Variants in KIF13A observed in about 807,000 individuals in gnomAD.
The protein encoded by KIF13A is kinesin-like protein KIF13A.
Under a neutral mutation model 212.2 loss-of-function variants are expected in KIF13A, and 79 were observed. The ratio of observed to expected loss-of-function variants is 0.37; its 90% CI spans 0.31 to 0.45. KIF13A has a LOEUF of 0.45. KIF13A is among the 20% of genes least tolerant of loss of function. KIF13A has a pLI of 1.00. For missense variants in KIF13A, 1,901 were observed against 2,209.0 expected (o/e 0.86, Z 2.79); for synonymous variants, 789 against 808.6 (o/e 0.98, Z 0.41).
chr6:17,830,544 C>A (rs569261349), intron 13 of KIF13A, among the ~76,000 whole-genome samples: 1 of 152,266 alleles, frequency 6.6e-6, no homozygotes, highest in African/African-American at 2.4e-5. Context: ...TGTCCTGCGA[C>A]CACAGTGGCA....
chr6:17,899,962 C>T lies in KIF13A; in HGVS notation c.147-1782G>A, dbSNP rs1772907776. On this transcript the variant is annotated intron_variant, in intron 2 of 38. Transcript: ENST00000259711. This position sits in a 1 kb window ranked among gnomAD's most constrained non-coding sequence, Gnocchi z 5.2. ...AGGCCTCAGTTCTAAGAAGGTAGAACAATAATAAAACTTTATGAACCATAT... is the reference window on the plus strand; with the variant it reads ...AGGCCTCAGTTCTAAGAAGGTAGAATAATAATAAAACTTTATGAACCATAT... 1.3e-5 allele frequency among the ~76,000 whole-genome samples: 2 copies of T among 152,226 alleles called. No individual in the cohort carries two copies. Among genetic ancestry groups the T allele is most frequent in the South Asian group, 2.1e-4 (1 of 4,824 alleles).
chr6:17,842,788 G>A (rs1195145285), intron 9 of KIF13A, among the ~76,000 whole-genome samples: 6 of 151,460 alleles, frequency 4.0e-5, no homozygotes, highest in African/African-American at 1.2e-4. Flanking sequence ...AAAGTTGGGA[G>A]GGTCAAAAGC....
chr6:17,950,528 C>T, intron 2 of KIF13A: 2 of 985,304 alleles, frequency 2.0e-6, no homozygotes, highest in Non-Finnish European at 2.4e-6. Flanking sequence ...TGTACACAAA[C>T]ACACATTCCT....
chr6:17,975,460 A>G (rs919067316), intron 2 of KIF13A, among the ~76,000 whole-genome samples: 2 of 152,224 alleles, frequency 1.3e-5, no homozygotes, highest in Non-Finnish European at 2.9e-5. Flanking sequence ...GTGAAGCTAC[A>G]GACCTTCAGC....
Position 17,789,731 on chromosome 6 carries a change from T to C in KIF13A, c.3261+141A>G, listed in dbSNP as rs1761375794. ...AAATAATATTGTGTTTGAATACATA[T>C]AAAGCAAATCAAAAGCAAGTGAAAA... is the stretch of plus-strand genomic sequence containing the variant. On this transcript the variant is annotated intron_variant, in intron 26 of 38. Transcript: ENST00000259711. The surrounding 1 kb of genome is among the most constrained non-coding windows in gnomAD (Gnocchi z 4.8). 3.2e-6 allele frequency: 2 copies of C among 632,402 alleles called. No individual in the cohort carries two copies. Among genetic ancestry groups the C allele is most frequent in the Non-Finnish European group, 5.6e-6 (2 of 357,518 alleles). 39.2% of individuals were successfully genotyped at this position (632,402 alleles called of 1,614,324 possible).
At position 17,777,867 on chromosome 6, in the gene KIF13A, T is replaced by C. The variant is rs186257570; in HGVS notation, c.4093-513A>G. ...TTTTAAGATAAATAAAACTGCAGGG[T>C]GTGGTGGTTCATGTCTATAATCCCA... On this transcript the variant is annotated intron_variant, in intron 33 of 38. Coordinates refer to ENST00000259711, the MANE Select transcript of KIF13A (RefSeq NM_022113.6). This position sits in a 1 kb window ranked among gnomAD's most constrained non-coding sequence, Gnocchi z 4.4. Among the ~76,000 whole-genome samples, 632 of 151,968 alleles carry C rather than the reference T, an allele frequency of 4.2e-3. 2 individuals are homozygous for C. The highest frequency in any genetic ancestry group is 6.6e-3 in the Non-Finnish European group (452 of 67,986).
At chr6:17,819,353 A>C (rs1419392839) in intron 16 of KIF13A, among the ~76,000 whole-genome samples, 1 of 152,152 alleles carries the variant, frequency 6.6e-6, no homozygotes, top group Non-Finnish European at 1.5e-5. Flanking sequence ...ACTTGAGGTC[A>C]GGAGTTCAAG....
At chr6:17,976,995 G>T (rs541028762) in intron 2 of KIF13A, among the ~76,000 whole-genome samples, 1 of 151,686 alleles carries the variant, frequency 6.6e-6, no homozygotes, top group African/African-American at 2.4e-5. Flanking sequence ...CCAGCTACTC[G>T]GGAGGCTGAG....
downstream of KIF13A, chr6:17,760,670 G>C (rs376016864): frequency 3.3e-6 from 2 of 604,226 alleles, no homozygotes; most frequent in East Asian, 5.6e-5. Context: ...AAGTGACAAA[G>C]TGCCGCTTCT....
Position 17,764,075 on chromosome 6 carries a change from A to T in KIF13A, c.*35T>A. ...TCTTTCCTACCAAGTTGTTGCGGTGAAGGGCCTCTGGGGTTGACATACAGT... is the reference window on the plus strand; with the variant it reads ...TCTTTCCTACCAAGTTGTTGCGGTGTAGGGCCTCTGGGGTTGACATACAGT... On this transcript the variant is annotated 3_prime_UTR_variant, in exon 39 of 39. Transcript: ENST00000259711. The surrounding 1 kb of genome is among the most constrained non-coding windows in gnomAD (Gnocchi z 5.1). The T allele has an allele frequency of 1.3e-6, 2 of 1,589,684 alleles. No homozygotes were observed. The highest frequency in any genetic ancestry group is 1.7e-6 in the Non-Finnish European group (2 of 1,166,538).
intron 2 of KIF13A, among the ~76,000 whole-genome samples, chr6:17,921,482 C>A (rs1359402196): frequency 6.6e-6 from 1 of 152,194 alleles, no homozygotes; most frequent in Non-Finnish European, 1.5e-5. Context: ...ATGCCAGTAA[C>A]CCCTTAGTAC....
chr6:17,846,041 C>CTTTTT lies in KIF13A; in HGVS notation c.830+3331_830+3335dup, dbSNP rs34232861. On this transcript the variant is annotated intron_variant, in intron 9 of 38. Transcript: ENST00000259711. Reference sequence around the variant, plus strand: ...GATTTCTTTAGTTTTGGAACTCAACCTTTTTTTTTTTTTTTTTTTTTTTTC... The same window carrying CTTTTT: ...GATTTCTTTAGTTTTGGAACTCAACCTTTTTTTTTTTTTTTTTTTTTTTTTTTTTC... 4.6e-3 allele frequency among the ~76,000 whole-genome samples: 379 copies of CTTTTT among 83,228 alleles called. 13 individuals are homozygous for CTTTTT. Among genetic ancestry groups the CTTTTT allele is most frequent in the African/African-American group, 0.01 (178 of 17,630 alleles). The allele number at this position is 83,228 out of a possible 152,430, so 54.6% of individuals were successfully genotyped here. A position where few individuals can be genotyped will look rare whatever the true frequency, so the allele number is the denominator to read the frequency against.
intron 18 of KIF13A, among the ~76,000 whole-genome samples, chr6:17,806,849 A>C (rs1233671614): frequency 2.0e-5 from 3 of 152,236 alleles, no homozygotes; most frequent in African/African-American, 7.2e-5. Flanking sequence ...ATTGCACTCC[A>C]GCCTGGGCAA....
intron 2 of KIF13A, among the ~76,000 whole-genome samples, chr6:17,979,800 C>A (rs1581940404): frequency 6.7e-6 from 1 of 149,272 alleles, no homozygotes; most frequent in East Asian, 2.0e-4. Context: ...AAAAAGAGTT[C>A]TTGAAAATTA....
At chr6:17,965,952 G>C (rs1035524751) in intron 2 of KIF13A, among the ~76,000 whole-genome samples, 3 of 152,214 alleles carry the variant, frequency 2.0e-5, no homozygotes, top group African/African-American at 7.2e-5. Context: ...GAGGCAGGCG[G>C]ATCACTTGAG....
At chr6:17,821,011 C>T (rs1159234492) in intron 16 of KIF13A, among the ~76,000 whole-genome samples, 1 of 152,130 alleles carries the variant, frequency 6.6e-6, no homozygotes, top group Non-Finnish European at 1.5e-5. Flanking sequence ...TTTGTCAGCC[C>T]CTTAATTGTT....
intron 2 of KIF13A, among the ~76,000 whole-genome samples, chr6:17,907,612 C>T (rs1014955852): frequency 6.6e-6 from 1 of 150,752 alleles, no homozygotes; most frequent in Non-Finnish European, 1.5e-5. Context: ...CAAACGACTA[C>T]TTCCTGCTGA....
chr6:17,840,155 T>C (rs1233261516), intron 9 of KIF13A, among the ~76,000 whole-genome samples: 1 of 152,168 alleles, frequency 6.6e-6, no homozygotes, highest in East Asian at 1.9e-4. Context: ...GAGACTGTAG[T>C]GATGGCGGTA....
At position 17,940,048 on chromosome 6, in the gene KIF13A, T is replaced by TAAA. The variant is rs56365666; in HGVS notation, c.147-41871_147-41869dup. On this transcript the variant is annotated intron_variant, in intron 2 of 38. Transcript: ENST00000259711. The stretch of plus-strand genomic sequence containing the variant: ...CAGAGCGAGACTCCGTCTCATAAAT[T>TAAA]AAAAAAAAAAAAAAAAAAGATAGTC... Among the ~76,000 whole-genome samples the TAAA allele has an allele frequency of 1.3e-3, 163 of 121,844 alleles. 3 individuals are homozygous for TAAA. Among genetic ancestry groups the TAAA allele is most frequent in the African/African-American group, 4.4e-3 (145 of 32,632 alleles). The allele number at this position is 121,844 out of a possible 152,430, so 79.9% of individuals were successfully genotyped here.
Sources: allele counts gnomAD v4.1 joint callset (sites outside exome capture counted in the v4.1 genomes callset), GRCh38; gene constraint gnomAD v4.1.1; non-coding constraint Gnocchi (gnomAD v3.1); transcripts MANE v1.5; gene names NCBI Gene and HGNC (gene_info 2026-07-23, HGNC 2026-07-21).